Variants in WSCD2 observed in about 807,000 individuals in gnomAD.
WSCD2 encodes the protein sialate:O-sulfotransferase 2.
In WSCD2, 28 loss-of-function variants were observed where a neutral mutation model predicts 55.7. The ratio of observed to expected loss-of-function variants is 0.50; its 90% confidence interval spans 0.37 to 0.69. WSCD2 has a LOEUF of 0.69. Ranked by LOEUF, WSCD2 falls within the 30% of genes least tolerant of loss-of-function variation. The probability of loss-of-function intolerance (pLI) is 0.00; values close to 1 mark genes in which losing one functional copy is unlikely to be tolerated. For missense variants in WSCD2, 616 were observed against 762.1 expected, an observed-to-expected ratio of 0.81 and a Z score of 2.26; for synonymous variants, 301 against 301.9, an observed-to-expected ratio of 1.00 and a Z score of 0.03.
chr12:108,244,259 G>T (rs570841064), intron 8 of WSCD2, among the ~76,000 whole-genome samples: 1 of 152,296 alleles, frequency 6.6e-6, no homozygotes, highest in African/African-American at 2.4e-5. Context: ...TGAGTTAAAC[G>T]AGGGCTTTGG....
intron 1 of WSCD2, among the ~76,000 whole-genome samples, chr12:108,166,042 A>G (rs762368106): frequency 1.3e-5 from 2 of 152,216 alleles, no homozygotes; most frequent in Non-Finnish European, 2.9e-5. Context: ...TACTTTTCTC[A>G]CTTTATGATA....
At chr12:108,232,654 G>A (rs10861882) in intron 6 of WSCD2, 77 bp from the exon 7 acceptor site, 216,536 of 1,418,522 alleles carry the variant, frequency 0.15, 17,090 homozygotes, top group Non-Finnish European at 0.16. Context: ...GCAGGGGTGT[G>A]ACTCATACCC....
chr12:108,130,963 G>A (rs1427734528), intron 1 of WSCD2, among the ~76,000 whole-genome samples: 3 of 152,120 alleles, frequency 2.0e-5, no homozygotes, highest in Non-Finnish European at 2.9e-5. Flanking sequence ...TTTTAGAGCC[G>A]CCCCTGTGGT....
chr12:108,234,502 G>A (rs1264294797), intron 7 of WSCD2, among the ~76,000 whole-genome samples: 1 of 152,234 alleles, frequency 6.6e-6, no homozygotes, highest in Non-Finnish European at 1.5e-5. Flanking sequence ...TTTGGCTTGA[G>A]TGATTGTTTA....
chr12:108,210,120 G>A lies in WSCD2; in HGVS notation c.498-1G>A, dbSNP rs1885940831. The A allele has an allele frequency of 6.2e-7, 1 of 1,614,104 alleles. No homozygotes were observed. Among genetic ancestry groups the A allele is most frequent in the Non-Finnish European group, 8.5e-7 (1 of 1,180,008 alleles). On this transcript the variant is annotated splice_acceptor_variant, in intron 3 of 8. Transcript: ENST00000547525. LOFTEE classifies it high-confidence loss of function. This position sits in a 1 kb window ranked among gnomAD's most constrained non-coding sequence, Gnocchi z 4.3. ...CCCTGCTTGACAGCAGCCTCCCCCA[G>A]GGGTTACCTGTATGGCGGGCTGGAG...
At chr12:108,178,763 C>T (rs1881247847) in intron 1 of WSCD2, among the ~76,000 whole-genome samples, 1 of 152,124 alleles carries the variant, frequency 6.6e-6, no homozygotes, top group African/African-American at 2.4e-5. Context: ...ACTGGATTAC[C>T]CCTGTGAAGA....
intron 1 of WSCD2, among the ~76,000 whole-genome samples, chr12:108,138,014 G>A (rs1307801366): frequency 6.6e-6 from 1 of 152,218 alleles, no homozygotes; most frequent in African/African-American, 2.4e-5. Flanking sequence ...GCTATACACT[G>A]AGGACAGCTG....
intron 8 of WSCD2, 80 bp from the exon 9 acceptor site, chr12:108,247,911 G>A: frequency 2.1e-6 from 3 of 1,443,150 alleles, no homozygotes; most frequent in Non-Finnish European, 2.9e-6. Flanking sequence ...GTGAATAATG[G>A]TAACCACTGC....
At chr12:108,133,446 A>G (rs1406515275) in intron 1 of WSCD2, among the ~76,000 whole-genome samples, 3 of 152,076 alleles carry the variant, frequency 2.0e-5, no homozygotes. Context: ...GTCTGTGTGT[A>G]TGTGTGTGCT....
At chr12:108,170,666 G>A (rs1418833337) in intron 1 of WSCD2, among the ~76,000 whole-genome samples, 2 of 152,086 alleles carry the variant, frequency 1.3e-5, no homozygotes, top group Non-Finnish European at 2.9e-5. Flanking sequence ...AGCAGTTCTG[G>A]GTAACACACT....
chr12:108,182,145 T>C (rs1881856280), intron 1 of WSCD2, among the ~76,000 whole-genome samples: 1 of 152,200 alleles, frequency 6.6e-6, no homozygotes, highest in Admixed American at 6.5e-5. Flanking sequence ...TCACTCCTAA[T>C]CCTACCTCCA....
At chr12:108,179,787 C>A (rs1198878723) in intron 1 of WSCD2, among the ~76,000 whole-genome samples, 1 of 152,206 alleles carries the variant, frequency 6.6e-6, no homozygotes, top group Non-Finnish European at 1.5e-5. Flanking sequence ...AGTCGCTGGA[C>A]CTATCTGAGC....
chr12:108,143,122 A>G (rs1194256783), intron 1 of WSCD2, among the ~76,000 whole-genome samples: 2 of 152,196 alleles, frequency 1.3e-5, no homozygotes, highest in African/African-American at 4.8e-5. Context: ...CCTCTCCGTC[A>G]TGCTTCACCA....
At chr12:108,134,126 T>C (rs1373727250) in intron 1 of WSCD2, among the ~76,000 whole-genome samples, 1 of 152,140 alleles carries the variant, frequency 6.6e-6, no homozygotes, top group African/African-American at 2.4e-5. Context: ...GGCAGAACCT[T>C]GAGGTCAGGA....
At chr12:108,222,825 A>T (rs1197710561) in intron 4 of WSCD2, among the ~76,000 whole-genome samples, 1 of 152,256 alleles carries the variant, frequency 6.6e-6, no homozygotes, top group East Asian at 1.9e-4. Context: ...TTACAAAGAG[A>T]TGGAAATAAA....
chr12:108,152,097 C>G (rs1411438874), intron 1 of WSCD2, among the ~76,000 whole-genome samples: 1 of 152,218 alleles, frequency 6.6e-6, no homozygotes, highest in Non-Finnish European at 1.5e-5. Context: ...CTCTGATCCC[C>G]CCGGGAAACG....
intron 7 of WSCD2, chr12:108,233,160 C>T: frequency 2.9e-6 from 1 of 349,646 alleles, no homozygotes; most frequent in Non-Finnish European, 5.3e-6. Context: ...ATGCCTGGTA[C>T]CTTTCCTCCA....
intron 1 of WSCD2, among the ~76,000 whole-genome samples, chr12:108,182,055 A>G (rs1881840388): frequency 6.6e-6 from 1 of 152,242 alleles, no homozygotes; most frequent in Admixed American, 6.5e-5. Flanking sequence ...ACTGACATCA[A>G]AACTCATGCT....
intron 1 of WSCD2, among the ~76,000 whole-genome samples, chr12:108,166,006 G>T (rs1879562625): frequency 6.6e-6 from 1 of 152,158 alleles, no homozygotes; most frequent in Non-Finnish European, 1.5e-5. Flanking sequence ...TGTCATCAGA[G>T]ATATTGAAGG....
Sources: allele counts gnomAD v4.1 joint callset (sites outside exome capture counted in the v4.1 genomes callset), GRCh38; gene constraint gnomAD v4.1.1; non-coding constraint Gnocchi (gnomAD v3.1); transcripts MANE v1.5; gene names NCBI Gene and HGNC (gene_info 2026-07-23, HGNC 2026-07-21).